Variants in MCC observed in about 807,000 individuals in gnomAD.
MCC encodes colorectal mutant cancer protein.
A neutral mutation model predicts 116.2 loss-of-function variants in MCC; 90 were observed. The ratio of observed to expected loss-of-function variants is 0.77; its 90% confidence interval spans 0.65 to 0.92. The LOEUF is 0.92. Among genes scored for constraint, MCC ranks in the 40% least tolerant of loss-of-function variants. The pLI is 0.00. For missense variants in MCC, 1,516 were observed against 1,312.2 expected (o/e 1.16, Z -2.40); for synonymous variants, 578 against 510.5 (o/e 1.13, Z -1.78).
At chr5:113,179,916 C>G (rs1761525462) in intron 3 of MCC, among the ~76,000 whole-genome samples, 1 of 152,212 alleles carries the variant, frequency 6.6e-6, no homozygotes, top group Non-Finnish European at 1.5e-5. Context: ...GCAGGAATCC[C>G]TGGTCAAGAG....
At chr5:113,064,265 G>A (rs1022990963) in intron 13 of MCC, 98 bp from the exon 14 acceptor site, 34 of 1,155,420 alleles carry the variant, frequency 2.9e-5, no homozygotes, top group African/African-American at 1.1e-4. Context: ...TTAGGGCAGA[G>A]GTGGCACTGT....
chr5:113,221,930 C>T (rs59935751), intron 3 of MCC, among the ~76,000 whole-genome samples: 18,614 of 152,148 alleles, frequency 0.12, 1,907 homozygotes, highest in African/African-American at 0.27. Context: ...TTGCAATTCC[C>T]CTGTCTTGAT....
At chr5:113,472,091 C>T (rs1337936513) in intron 1 of MCC, among the ~76,000 whole-genome samples, 1 of 152,158 alleles carries the variant, frequency 6.6e-6, no homozygotes. Flanking sequence ...AGAGGGAGTT[C>T]CCTGATCCCT....
intron 13 of MCC, among the ~76,000 whole-genome samples, 176 bp from the exon 14 acceptor site, chr5:113,064,343 C>A (rs4705538): frequency 0.99 from 151,339 of 152,358 alleles, 75,176 homozygotes; most frequent in Non-Finnish European, 1. Flanking sequence ...ATCACTTAGA[C>A]GCTACATGTG....
chr5:113,424,694 T>C (rs1416010137), intron 1 of MCC, among the ~76,000 whole-genome samples: 4 of 151,970 alleles, frequency 2.6e-5, no homozygotes, highest in South Asian at 2.1e-4. Flanking sequence ...GCCTGGGTAA[T>C]AGAGTGAGAC....
chr5:113,076,932 C>T lies in MCC; in HGVS notation c.1785-5698G>A, dbSNP rs1294697415. 2.6e-5 allele frequency among the ~76,000 whole-genome samples: 4 copies of T among 152,316 alleles called. No individual in the cohort carries two copies. The South Asian group carries it at 6.2e-4, about 24-fold the overall frequency. On this transcript the variant is annotated intron_variant, in intron 11 of 18. Coordinates refer to ENST00000408903, the MANE Select transcript of MCC (RefSeq NM_001085377.2). ...AACCCATCTCACGAGCAGAGACACA[C>T]ATGGGCTCAAAATGAAGGCATGGAG...
intron 3 of MCC, among the ~76,000 whole-genome samples, chr5:113,280,936 C>G (rs926193633): frequency 6.6e-6 from 1 of 152,138 alleles, no homozygotes; most frequent in African/African-American, 2.4e-5. Context: ...GTGGAAGAGC[C>G]TAGGGCTTAG....
chr5:113,348,903 G>C (rs1394986410), intron 2 of MCC, among the ~76,000 whole-genome samples: 1 of 151,862 alleles, frequency 6.6e-6, no homozygotes, highest in Non-Finnish European at 1.5e-5. Flanking sequence ...AAATTCAAAG[G>C]GTCATTAGGT....
At chr5:113,214,550 A>G (rs509237) in intron 3 of MCC, among the ~76,000 whole-genome samples, 89,165 of 152,028 alleles carry the variant, frequency 0.59, 31,446 homozygotes, top group Non-Finnish European at 0.77. Flanking sequence ...ATAGCAGGCT[A>G]GGTTTGTTTC....
intron 3 of MCC, among the ~76,000 whole-genome samples, chr5:113,264,816 G>A (rs1038717753): frequency 1.3e-5 from 2 of 152,206 alleles, no homozygotes; most frequent in African/African-American, 4.8e-5. Context: ...GTCGAAGTGG[G>A]CAGATCACCT....
chr5:113,065,158 C>G (rs1314073979), intron 13 of MCC, among the ~76,000 whole-genome samples: 1 of 152,148 alleles, frequency 6.6e-6, no homozygotes, highest in Non-Finnish European at 1.5e-5. Context: ...ATAGAATGTA[C>G]AGCACCAAGA....
chr5:113,029,500 A>G (rs1228387240), intron 17 of MCC, among the ~76,000 whole-genome samples: 1 of 151,934 alleles, frequency 6.6e-6, no homozygotes, highest in East Asian at 1.9e-4. Flanking sequence ...CCACTCATTG[A>G]GACCAACATG....
chr5:113,032,303 G>A (rs1425656170), intron 17 of MCC, among the ~76,000 whole-genome samples: 1 of 151,824 alleles, frequency 6.6e-6, no homozygotes, highest in Non-Finnish European at 1.5e-5. Flanking sequence ...AGCTACTTGG[G>A]AGCCTGAGGC....
At chr5:113,290,211 A>AT (rs1766429271) in intron 3 of MCC, among the ~76,000 whole-genome samples, 1 of 152,244 alleles carries the variant, frequency 6.6e-6, no homozygotes, top group Non-Finnish European at 1.5e-5. Flanking sequence ...AGTTGCCTCT[A>AT]TGGCCTAATT....
Position 113,132,475 on chromosome 5 carries a change from C to T in MCC, c.885-9649G>A, listed in dbSNP as rs1246703848. ...ACACACACACACACACACACACACA[C>T]ACATACATATATATATACAAGCAAG... On this transcript the variant is annotated intron_variant, in intron 5 of 18. Coordinates refer to ENST00000408903, the MANE Select transcript of MCC (RefSeq NM_001085377.2). Among the ~76,000 whole-genome samples the T allele has an allele frequency of 7.4e-4, 103 of 138,682 alleles. 1 individual carries two copies. Among genetic ancestry groups the T allele is most frequent in the South Asian group, 2.5e-3 (11 of 4,414 alleles). 91.0% of individuals were successfully genotyped at this position (138,682 alleles called of 152,430 possible). A position where few individuals can be genotyped will look rare whatever the true frequency, so the allele number is the denominator to read the frequency against.
intron 1 of MCC, among the ~76,000 whole-genome samples, chr5:113,430,814 G>C (rs1770616531): frequency 6.6e-6 from 1 of 152,152 alleles, no homozygotes; most frequent in African/African-American, 2.4e-5. Flanking sequence ...AGATGGAACT[G>C]ATCATGAGGG....
chr5:113,255,988 C>T (rs932799071), intron 3 of MCC, among the ~76,000 whole-genome samples: 2 of 152,210 alleles, frequency 1.3e-5, no homozygotes, highest in Non-Finnish European at 1.5e-5. Context: ...TTTTTATCCA[C>T]CAACAAACTC....
intron 5 of MCC, among the ~76,000 whole-genome samples, chr5:113,138,514 C>T (rs1467984338): frequency 6.6e-6 from 1 of 152,132 alleles, no homozygotes; most frequent in Non-Finnish European, 1.5e-5. Context: ...AGAAGGTGGC[C>T]ATCTGCAAGC....
intron 2 of MCC, among the ~76,000 whole-genome samples, chr5:113,375,368 A>G (rs570288687): frequency 2.6e-5 from 4 of 152,222 alleles, no homozygotes; most frequent in Non-Finnish European, 5.9e-5. Context: ...TTCTATTTAT[A>G]TGTTTTGTCT....
Sources: gnomAD v4.1 joint callset for allele counts (sites outside exome capture counted in the v4.1 genomes callset) on GRCh38, gnomAD v4.1.1 for gene constraint, MANE v1.5 for transcripts, NCBI Gene and HGNC (gene_info 2026-07-23, HGNC 2026-07-21) for gene names.